Variants in MIA2 observed in about 807,000 individuals in gnomAD.
The protein encoded by MIA2 is MIA SH3 domain ER export factor 2, also known as melanoma inhibitory activity protein 2.
In MIA2, 127 loss-of-function variants were observed where a neutral mutation model predicts 167.8. That is an observed-to-expected ratio of 0.76 (90% CI 0.66 to 0.88). MIA2 has a LOEUF of 0.88. Ranked by LOEUF, MIA2 falls within the 40% of genes least tolerant of loss-of-function variation. The pLI is 0.00. For synonymous variants in MIA2, 552 were observed against 541.9 expected, an observed-to-expected ratio of 1.02 and a Z score of -0.26; for missense variants, 1,690 against 1,624.7, an observed-to-expected ratio of 1.04 and a Z score of -0.69.
chr14:39,293,387 G>A lies in MIA2; in HGVS notation c.2319+6G>A, dbSNP rs1400691052. ...ATTCTGAACAAGATGAATTGGTAAGGCTTTTTTATTTGAGGAGAATATAAG... is the reference window on the plus strand; with the variant it reads ...ATTCTGAACAAGATGAATTGGTAAGACTTTTTTATTTGAGGAGAATATAAG... On this transcript the variant is annotated splice_donor_region_variant and intron_variant, in intron 11 of 28. Transcript: ENST00000640607. 3.3e-6 allele frequency: 5 copies of A among 1,521,912 alleles called. No individual in the cohort carries two copies. Among genetic ancestry groups the A allele is most frequent in the South Asian group, 2.3e-5 (2 of 85,214 alleles). The allele number at this position is 1,521,912 out of a possible 1,614,324, so 94.3% of individuals were successfully genotyped here.
intron 23 of MIA2, among the ~76,000 whole-genome samples, chr14:39,369,258 C>G (rs188906672): frequency 4.6e-5 from 7 of 152,016 alleles, no homozygotes; most frequent in Non-Finnish European, 7.4e-5. Context: ...GTTCAGATGC[C>G]GGAAAGAGAT....
At chr14:39,301,049 C>G (rs1012164736) in intron 14 of MIA2, among the ~76,000 whole-genome samples, 2 of 4,950 alleles carry the variant, frequency 4.0e-4, no homozygotes, top group African/African-American at 5.9e-4. Flanking sequence ...TACACACACA[C>G]ACACACACAC....
At chr14:39,296,638 T>C in intron 13 of MIA2, among the ~76,000 whole-genome samples, 1 of 135,864 alleles carries the variant, frequency 7.4e-6, no homozygotes, top group East Asian at 2.0e-4. Flanking sequence ...ATTTTTATTA[T>C]TTTTTTTTTA....
At chr14:39,252,121 G>A (rs1013183110) in intron 4 of MIA2, among the ~76,000 whole-genome samples, 15 of 152,098 alleles carry the variant, frequency 9.9e-5, no homozygotes, top group Admixed American at 3.3e-4. Flanking sequence ...TTCCTTGGCT[G>A]AGGAATAAAG....
chr14:39,386,766 G>T (rs1228498969), intron 23 of MIA2: 1 of 1,335,114 alleles, frequency 7.5e-7, no homozygotes, highest in Non-Finnish European at 1.1e-6. Flanking sequence ...TAACTGAAAT[G>T]CCCGCTTCTT....
At chr14:39,266,878 GTC>G (rs1391265160) in intron 6 of MIA2, 1 of 744,574 alleles carries the variant, frequency 1.3e-6, no homozygotes, top group Admixed American at 6.3e-5. Flanking sequence ...TCTAGGAGAA[GTC>G]TCGCCGCCGC....
intron 25 of MIA2, among the ~76,000 whole-genome samples, chr14:39,327,651 A>ATG (rs2067862145): frequency 2.6e-5 from 4 of 151,310 alleles, no homozygotes; most frequent in Non-Finnish European, 4.4e-5. Flanking sequence ...CCGGTGTGTG[A>ATG]TGTTCCCCTC....
At chr14:39,338,627 T>G (rs1200988900) in intron 25 of MIA2, among the ~76,000 whole-genome samples, 1 of 152,214 alleles carries the variant, frequency 6.6e-6, no homozygotes, top group Non-Finnish European at 1.5e-5. Flanking sequence ...CAGAAATATG[T>G]CCTGGGAATA....
At chr14:39,267,571 CG>C (rs1277582510) in intron 6 of MIA2, 19 of 1,602,430 alleles carry the variant, frequency 1.2e-5, no homozygotes, top group African/African-American at 2.7e-5. Flanking sequence ...TCGCGGGAGC[CG>C]CCGGGGGAAG....
intron 23 of MIA2, among the ~76,000 whole-genome samples, chr14:39,357,349 G>C (rs2074555949): frequency 6.6e-6 from 1 of 152,134 alleles, no homozygotes; most frequent in Non-Finnish European, 1.5e-5. Flanking sequence ...TTTAAAGTCT[G>C]TTTTATCAGA....
At chr14:39,373,618 T>C (rs2074992862) in intron 23 of MIA2, among the ~76,000 whole-genome samples, 1 of 151,968 alleles carries the variant, frequency 6.6e-6, no homozygotes, top group Admixed American at 6.5e-5. Context: ...GTCAGGAGTT[T>C]GAGACCAGCC....
intron 23 of MIA2, among the ~76,000 whole-genome samples, chr14:39,357,760 T>C (rs1244074167): frequency 2.0e-5 from 3 of 152,194 alleles, no homozygotes; most frequent in African/African-American, 7.2e-5. Flanking sequence ...GGTGACAAAA[T>C]CTCTCAGCAT....
intron 10 of MIA2, chr14:39,292,586 T>G (rs912539938): frequency 5.4e-6 from 1 of 186,656 alleles, no homozygotes; most frequent in African/African-American, 2.4e-5. Context: ...TAAACAAGTT[T>G]TTAAATCACT....
At chr14:39,368,576 AGACTC>A (rs1191898178) in intron 23 of MIA2, among the ~76,000 whole-genome samples, 1 of 151,916 alleles carries the variant, frequency 6.6e-6, no homozygotes, top group East Asian at 1.9e-4. Context: ...CTTACTCTGA[AGACTC>A]ATTTTCTGAA....
chr14:39,307,390 ATTTTTTTTTT>A (rs373046158), intron 17 of MIA2, among the ~76,000 whole-genome samples: 3 of 67,484 alleles, frequency 4.4e-5, no homozygotes, highest in South Asian at 7.1e-4. Flanking sequence ...AGTTAAAAGA[ATTTTTTTTTT>A]TTTTTTTTTT....
intron 23 of MIA2, chr14:39,370,649 C>G (rs1263804414): frequency 3.3e-6 from 1 of 307,006 alleles, no homozygotes; most frequent in Non-Finnish European, 6.6e-6. Flanking sequence ...CTGCCCGAGT[C>G]TGTCGCACGT....
intron 3 of MIA2, among the ~76,000 whole-genome samples, chr14:39,244,733 TTGGCTG>T (rs2054211666): frequency 6.6e-6 from 1 of 152,144 alleles, no homozygotes; most frequent in Non-Finnish European, 1.5e-5. Flanking sequence ...CTCACTTCCA[TTGGCTG>T]TATGCAATAT....
At chr14:39,243,739 G>A (rs761946322) in intron 3 of MIA2, among the ~76,000 whole-genome samples, 3 of 152,128 alleles carry the variant, frequency 2.0e-5, no homozygotes, top group South Asian at 2.1e-4. Context: ...GGTGATGTGC[G>A]CCTGTTTTCC....
intron 23 of MIA2, among the ~76,000 whole-genome samples, chr14:39,361,644 TAGTC>T (rs749628095): frequency 2.6e-5 from 4 of 152,142 alleles, no homozygotes; most frequent in Admixed American, 6.5e-5. Flanking sequence ...TTCACCATGT[TAGTC>T]AGGCTGATCT....
Sources: allele counts gnomAD v4.1 joint callset (sites outside exome capture counted in the v4.1 genomes callset), GRCh38; gene constraint gnomAD v4.1.1; transcripts MANE v1.5; gene names NCBI Gene and HGNC (gene_info 2026-07-23, HGNC 2026-07-21).